Variants in MRPL42 observed in about 807,000 individuals in gnomAD.
MRPL42 encodes the protein large ribosomal subunit protein mL42.
A neutral mutation model predicts 17.9 loss-of-function variants in MRPL42; 17 were observed. The observed-to-expected ratio is 0.95, with a 90% CI of 0.65 to 1.42. The LOEUF (loss-of-function observed/expected upper bound fraction) is 1.42, where lower values mean the gene tolerates loss of function less well. Among genes scored for constraint, MRPL42 ranks in the 40% most tolerant of loss-of-function variants. The probability of loss-of-function intolerance (pLI) is 0.00; values close to 1 mark genes in which losing one functional copy is unlikely to be tolerated. For synonymous variants in MRPL42, 59 were observed against 54.4 expected (o/e 1.08, Z -0.37); for missense variants, 177 against 175.2 (o/e 1.01, Z -0.06).
intron 2 of MRPL42, among the ~76,000 whole-genome samples, chr12:93,475,803 C>T (rs1290795459): frequency 2.0e-5 from 3 of 151,768 alleles, no homozygotes; most frequent in African/African-American, 4.8e-5. Flanking sequence ...GCTAACACGG[C>T]GAACCCCGTC....
chr12:93,481,531 A>G (rs548162701), intron 4 of MRPL42, among the ~76,000 whole-genome samples: 13 of 151,916 alleles, frequency 8.6e-5, no homozygotes, highest in Non-Finnish European at 1.9e-4. Context: ...CTCCTCCTCC[A>G]CCACTCTGCA....
intron 2 of MRPL42, among the ~76,000 whole-genome samples, chr12:93,472,912 C>T (rs1309599758): frequency 1.3e-5 from 2 of 152,106 alleles, no homozygotes; most frequent in Non-Finnish European, 2.9e-5. Flanking sequence ...ATAAGTTCAC[C>T]CAGGGTCACA....
At chr12:93,474,647 G>A (rs957316764) in intron 2 of MRPL42, among the ~76,000 whole-genome samples, 7 of 152,142 alleles carry the variant, frequency 4.6e-5, no homozygotes, top group Admixed American at 3.3e-4. Flanking sequence ...GTGTTGCCCA[G>A]GCTGGTCTCA....
chr12:93,497,989 T>C (rs7316694), intron 5 of MRPL42, among the ~76,000 whole-genome samples: 73,660 of 111,844 alleles, frequency 0.66, 24,489 homozygotes, highest in Middle Eastern at 0.71. Flanking sequence ...ATGTCCTTCC[T>C]TCCATCTCAG....
intron 5 of MRPL42, among the ~76,000 whole-genome samples, chr12:93,497,512 CT>C (rs1953527210): frequency 6.6e-6 from 1 of 152,018 alleles, no homozygotes; most frequent in African/African-American, 2.4e-5. Context: ...CAGAAAAAAA[CT>C]TTCAATAAAA....
rs1953722875 is a variant in MRPL42 at position 93,511,235 on chromosome 12, C to T, written c.*10014C>T. The stretch of plus-strand genomic sequence containing the variant: ...AAATGAAGCAATAAAATAATCAAAA[C>T]TAAATCAACATTTAAATACAGAACA... On this transcript the variant is annotated 3_prime_UTR_variant, in exon 6 of 6. Coordinates refer to ENST00000549982, the MANE Select transcript of MRPL42 (RefSeq NM_014050.4). The T allele has an allele frequency of 6.6e-6, 1 of 152,062 alleles. No homozygotes were observed. Among genetic ancestry groups the T allele is most frequent in the Non-Finnish European group, 1.5e-5 (1 of 67,994 alleles). 9.4% of individuals were successfully genotyped at this position (152,062 alleles called of 1,614,324 possible). A position where few individuals can be genotyped will look rare whatever the true frequency, so the allele number is the denominator to read the frequency against.
chr12:93,469,121 T>C, intron 1 of MRPL42, 71 bp from the exon 2 acceptor site: 1 of 538,602 alleles, frequency 1.9e-6, no homozygotes, highest in African/African-American at 2.0e-5. Context: ...ATTCTTACCT[T>C]GTTCTTGTGG....
rs368142586 is a variant in MRPL42 at position 93,510,097 on chromosome 12, G to T, written c.*8876G>T. On this transcript the variant is annotated 3_prime_UTR_variant, in exon 6 of 6. Transcript: ENST00000549982. ...TAAAAACCCTTGGCTCTGCCTCTTC[G>T]TCGTGTCCTCCCCACTGACCCCCGG... 1 of 152,472 alleles carries T rather than the reference G, an allele frequency of 6.6e-6. No individual in the cohort carries two copies. The highest frequency in any genetic ancestry group is 2.4e-5 in the African/African-American group (1 of 41,536). 9.4% of individuals were successfully genotyped at this position (152,472 alleles called of 1,614,324 possible). A position where few individuals can be genotyped will look rare whatever the true frequency, so the allele number is the denominator to read the frequency against.
At chr12:93,480,787 G>A (rs1239612905) in intron 4 of MRPL42, among the ~76,000 whole-genome samples, 2 of 151,772 alleles carry the variant, frequency 1.3e-5, no homozygotes, top group East Asian at 1.9e-4. Context: ...TGATCCGCCT[G>A]CCTCAGCCTC....
At chr12:93,489,536 T>C (rs200436709) in intron 5 of MRPL42, among the ~76,000 whole-genome samples, 7 of 151,904 alleles carry the variant, frequency 4.6e-5, no homozygotes, top group African/African-American at 1.7e-4. Context: ...TATTTTATTT[T>C]ATTTATTTAT....
chr12:93,476,048 C>G (rs997127554), intron 2 of MRPL42, among the ~76,000 whole-genome samples: 8 of 151,938 alleles, frequency 5.3e-5, no homozygotes, highest in Non-Finnish European at 8.8e-5. Flanking sequence ...TGCAGGTATT[C>G]TAAAAAAGGA....
intron 2 of MRPL42, among the ~76,000 whole-genome samples, chr12:93,476,148 C>G (rs2121181924): frequency 1.3e-5 from 2 of 152,120 alleles, no homozygotes; most frequent in East Asian, 3.9e-4. Context: ...ACCACCACCC[C>G]CCCTTTATAA....
intron 2 of MRPL42, among the ~76,000 whole-genome samples, chr12:93,474,369 G>T (rs953862065): frequency 6.6e-6 from 1 of 151,846 alleles, no homozygotes; most frequent in African/African-American, 2.4e-5. Flanking sequence ...TGAACTGCTG[G>T]ATCAAGCGAT....
At position 93,502,362 on chromosome 12, in the gene MRPL42, T is replaced by C. The variant is rs1250569282; in HGVS notation, c.*1141T>C. The C allele has an allele frequency of 6.6e-6, 1 of 152,232 alleles. No homozygotes were observed. The highest frequency in any genetic ancestry group is 1.5e-5 in the Non-Finnish European group (1 of 68,042). 9.4% of individuals were successfully genotyped at this position (152,232 alleles called of 1,614,324 possible). On this transcript the variant is annotated 3_prime_UTR_variant, in exon 6 of 6. Transcript: ENST00000549982. The stretch of plus-strand genomic sequence containing the variant: ...TCTATTTAGGAGGTGAAGAATCTTT[T>C]AATAAGGTAGAAAGTTGCTTTATTT...
At position 93,511,798 on chromosome 12, in the gene MRPL42, A is replaced by G. The variant is rs772988226; in HGVS notation, c.*10577A>G. 9 of 152,244 alleles carry G rather than the reference A, an allele frequency of 5.9e-5. No individual in the cohort carries two copies. The highest frequency in any genetic ancestry group is 8.8e-5 in the Non-Finnish European group (6 of 68,032). The allele number at this position is 152,244 out of a possible 1,614,324, so 9.4% of individuals were successfully genotyped here. ...TAATTAATGTGGTTTGAAGCTTTGT[A>G]GGAATCCAATTGGATGGATAGCAGC... is the stretch of plus-strand genomic sequence containing the variant. On this transcript the variant is annotated 3_prime_UTR_variant, in exon 6 of 6. Transcript: ENST00000549982.
intron 4 of MRPL42, among the ~76,000 whole-genome samples, chr12:93,486,634 G>A (rs531192361): frequency 6.6e-5 from 10 of 151,750 alleles, no homozygotes; most frequent in South Asian, 2.1e-4. Flanking sequence ...CACCGCACCC[G>A]GCCAAAAAAT....
At position 93,503,177 on chromosome 12, in the gene MRPL42, A is replaced by G. The variant is rs919806679; in HGVS notation, c.*1956A>G. On this transcript the variant is annotated 3_prime_UTR_variant, in exon 6 of 6. Coordinates refer to ENST00000549982, the MANE Select transcript of MRPL42 (RefSeq NM_014050.4). ...TAGCTTCATGAAAAACTCACTACACAGTTCTTGTTCAAGCATTATTGGGAA... is the reference window on the plus strand; with the variant it reads ...TAGCTTCATGAAAAACTCACTACACGGTTCTTGTTCAAGCATTATTGGGAA... 1 of 152,192 alleles carries G rather than the reference A, an allele frequency of 6.6e-6. No homozygotes were observed. The allele number at this position is 152,192 out of a possible 1,614,324, so 9.4% of individuals were successfully genotyped here.
chr12:93,471,393 AC>A lies in MRPL42; in HGVS notation c.70+2040del, dbSNP rs1321805282. On this transcript the variant is annotated intron_variant, in intron 2 of 5. Transcript: ENST00000549982. ...TGGCCAGGCTGGTCTCGAACTCCCA[AC>A]CTTAAATGATCCTCCTGCCTTGGCC... Among the ~76,000 whole-genome samples, 8 of 152,060 alleles carry A rather than the reference AC, an allele frequency of 5.3e-5. No individual in the cohort carries two copies. In the East Asian group the frequency reaches 1.2e-3, roughly 22 times the overall value.
Position 93,507,829 on chromosome 12 carries a change from G to C in MRPL42, c.*6608G>C, listed in dbSNP as rs1429408647. 2.0e-5 allele frequency: 3 copies of C among 152,388 alleles called. No homozygotes were observed. The highest frequency in any genetic ancestry group is 2.9e-5 in the Non-Finnish European group (2 of 68,200). 9.4% of individuals were successfully genotyped at this position (152,388 alleles called of 1,614,324 possible). On this transcript the variant is annotated 3_prime_UTR_variant, in exon 6 of 6. Transcript: ENST00000549982. ...TTAGGATTTCAAGAGTATGAGATTG[G>C]GGCTGGGCATGATGACTCACACCTG...
Sources: allele counts gnomAD v4.1 joint callset (sites outside exome capture counted in the v4.1 genomes callset), GRCh38; gene constraint gnomAD v4.1.1; transcripts MANE v1.5; gene names NCBI Gene and HGNC (gene_info 2026-07-23, HGNC 2026-07-21).